The following CTNNA2 variants were observed in gnomAD, a reference collection of about 807,000 sequenced individuals.
CTNNA2 encodes catenin alpha 2.
A neutral mutation model predicts 101.0 loss-of-function variants in CTNNA2; 42 were observed. That is an observed-to-expected ratio of 0.42 (90% CI 0.32 to 0.54). The LOEUF (loss-of-function observed/expected upper bound fraction) is 0.54. Ranked by LOEUF, CTNNA2 falls within the 20% of genes least tolerant of loss-of-function variation. The probability of loss-of-function intolerance (pLI) is 0.14; values close to 1 mark genes in which losing one functional copy is unlikely to be tolerated. For synonymous variants in CTNNA2, 450 were observed against 456.4 expected (o/e 0.99, Z 0.18); for missense variants, 871 against 1,223.1 (o/e 0.71, Z 4.29).
intron 2 of CTNNA2, among the ~76,000 whole-genome samples, chr2:79,658,539 G>A (rs1174508122): frequency 6.6e-6 from 1 of 151,980 alleles, no homozygotes; most frequent in East Asian, 1.9e-4. Context: ...ACATGGATTT[G>A]CTTATTGCAT....
chr2:80,394,123 A>G (rs1358709616), intron 8 of CTNNA2, among the ~76,000 whole-genome samples: 1 of 152,188 alleles, frequency 6.6e-6, no homozygotes, highest in Non-Finnish European at 1.5e-5. Flanking sequence ...AGCCAGCTAA[A>G]ACCAACCACT....
chr2:79,627,970 C>A lies in CTNNA2; in HGVS notation c.-5-23582C>A, dbSNP rs565779780. Among the ~76,000 whole-genome samples the A allele has an allele frequency of 3.3e-5, 5 of 152,146 alleles. No homozygotes were observed. In the East Asian group the frequency reaches 9.7e-4, roughly 29 times the overall value. On this transcript the variant is annotated intron_variant, in intron 1 of 18. Transcript: ENST00000402739. ...GTGTTGTAATGTGGAATGATGAATT[C>A]TTTGCATATATATTCTTTGAATATA...
At chr2:79,756,265 T>C (rs1672391908) in intron 3 of CTNNA2, among the ~76,000 whole-genome samples, 1 of 152,214 alleles carries the variant, frequency 6.6e-6, no homozygotes, top group South Asian at 2.1e-4. Context: ...ACTTTGTATA[T>C]AGTCTCTCAA....
chr2:80,295,860 C>A (rs1013225876), intron 7 of CTNNA2, among the ~76,000 whole-genome samples: 1 of 152,156 alleles, frequency 6.6e-6, no homozygotes, highest in African/African-American at 2.4e-5. Context: ...TAAGTGAATT[C>A]TCTAGTTCCT....
At chr2:79,442,535 G>A (rs1445548585) in intron 4 of CTNNA2, among the ~76,000 whole-genome samples, 1 of 152,090 alleles carries the variant, frequency 6.6e-6, no homozygotes, top group African/African-American at 2.4e-5. Flanking sequence ...TTAAGAACTA[G>A]CCTTTCTAAA....
intron 7 of CTNNA2, among the ~76,000 whole-genome samples, chr2:79,962,030 T>A (rs1222337306): frequency 6.6e-6 from 1 of 152,194 alleles, no homozygotes; most frequent in Non-Finnish European, 1.5e-5. Context: ...AAATTCACAA[T>A]AACTAGCTCT....
At chr2:79,356,845 A>C (rs984651472) in intron 3 of CTNNA2, among the ~76,000 whole-genome samples, 1 of 152,238 alleles carries the variant, frequency 6.6e-6, no homozygotes, top group Non-Finnish European at 1.5e-5. Context: ...ATGGAAGTTA[A>C]AAACCAACAA....
chr2:79,804,205 C>T (rs902428693), intron 3 of CTNNA2, among the ~76,000 whole-genome samples: 1 of 152,150 alleles, frequency 6.6e-6, no homozygotes, highest in Non-Finnish European at 1.5e-5. Flanking sequence ...ATTTATCATA[C>T]AGTGACTATT....
chr2:80,001,595 T>C (rs1558717108), intron 7 of CTNNA2, among the ~76,000 whole-genome samples: 1 of 152,178 alleles, frequency 6.6e-6, no homozygotes, highest in African/African-American at 2.4e-5. Context: ...GAGATAAGAA[T>C]AAAGGCCAGG....
intron 4 of CTNNA2, among the ~76,000 whole-genome samples, chr2:79,495,081 C>T (rs1172765322): frequency 1.3e-5 from 2 of 151,802 alleles, no homozygotes; most frequent in African/African-American, 2.4e-5. Context: ...CCAGCCTGGG[C>T]GACAGAGCAA....
intron 7 of CTNNA2, among the ~76,000 whole-genome samples, chr2:80,306,032 T>C (rs1031537104): frequency 1.3e-5 from 2 of 152,282 alleles, no homozygotes; most frequent in Admixed American, 6.5e-5. Context: ...AGTAACTGGA[T>C]TGGTCCTTAG....
chr2:79,421,277 A>G (rs897274520), intron 4 of CTNNA2, among the ~76,000 whole-genome samples: 1 of 152,236 alleles, frequency 6.6e-6, no homozygotes, highest in African/African-American at 2.4e-5. Flanking sequence ...GAATAAGTCC[A>G]AATTTTTCAT....
At chr2:80,367,928 T>C (rs1362335564) in intron 7 of CTNNA2, among the ~76,000 whole-genome samples, 1 of 152,180 alleles carries the variant, frequency 6.6e-6, no homozygotes, top group Non-Finnish European at 1.5e-5. Context: ...TGTTTAGATG[T>C]GACTTTTGGC....
chr2:79,687,794 C>A (rs75366866), intron 2 of CTNNA2: 1 of 465,594 alleles, frequency 2.1e-6, no homozygotes, highest in Non-Finnish European at 3.8e-6. Flanking sequence ...GAAATACAGG[C>A]GCCAAAAATG....
At position 80,302,270 on chromosome 2, in the gene CTNNA2, G is replaced by T; in HGVS notation, c.1057-90941G>T. On this transcript the variant is annotated intron_variant, in intron 7 of 18. Coordinates refer to ENST00000402739, the MANE Select transcript of CTNNA2 (RefSeq NM_001282597.3). The surrounding 1 kb of genome is among the most constrained non-coding windows in gnomAD (Gnocchi z 6.4). ...GGACAATCACACCTCGCATTCCCTC[G>T]CGGGCTGCTGGTGGCAGGTACACGA... The T allele has an allele frequency of 6.2e-7, 1 of 1,613,664 alleles. No individual in the cohort carries two copies. The highest frequency in any genetic ancestry group is 8.5e-7 in the Non-Finnish European group (1 of 1,179,770).
intron 9 of CTNNA2, among the ~76,000 whole-genome samples, chr2:80,535,395 T>A (rs1198061829): frequency 6.6e-6 from 1 of 152,228 alleles, no homozygotes; most frequent in Non-Finnish European, 1.5e-5. Flanking sequence ...TTGCATCTTA[T>A]GGCGGTAACA....
At chr2:79,480,890 T>C (rs1274800247) in intron 4 of CTNNA2, among the ~76,000 whole-genome samples, 3 of 152,170 alleles carry the variant, frequency 2.0e-5, no homozygotes, top group African/African-American at 7.2e-5. Context: ...TCACTGTCAC[T>C]ATTGCTTCCC....
intron 7 of CTNNA2, among the ~76,000 whole-genome samples, chr2:80,052,964 CT>C (rs1166265348): frequency 1.3e-5 from 2 of 152,098 alleles, no homozygotes; most frequent in Non-Finnish European, 2.9e-5. Context: ...ATATCTTTTT[CT>C]TTTTTGTCAT....
intron 2 of CTNNA2, chr2:79,312,581 G>A (rs1676405958): frequency 6.6e-6 from 1 of 152,136 alleles, no homozygotes; most frequent in Admixed American, 6.5e-5. Context: ...CCTCAACCAG[G>A]TTTGAGAGAT....
Sources: allele counts gnomAD v4.1 joint callset (sites outside exome capture counted in the v4.1 genomes callset), GRCh38; gene constraint gnomAD v4.1.1; non-coding constraint Gnocchi (gnomAD v3.1); transcripts MANE v1.5; gene names NCBI Gene and HGNC (gene_info 2026-07-23, HGNC 2026-07-21).